ATP2B2: variants seen among roughly 807,000 people sequenced by gnomAD.
ATP2B2 encodes plasma membrane calcium-transporting ATPase 2.
A neutral mutation model predicts 120.0 loss-of-function variants in ATP2B2; 15 were observed. The ratio of observed to expected loss-of-function variants is 0.12; its 90% CI spans 0.08 to 0.19. The LOEUF (loss-of-function observed/expected upper bound fraction) is 0.19, where lower values mean the gene tolerates loss of function less well. Among genes scored for constraint, ATP2B2 ranks in the 10% least tolerant of loss-of-function variants. The pLI is 1.00. For synonymous variants in ATP2B2, 694 were observed against 700.3 expected (o/e 0.99, Z 0.14); for missense variants, 1,045 against 1,719.8 (o/e 0.61, Z 6.94).
intron 3 of ATP2B2, among the ~76,000 whole-genome samples, chr3:10,531,169 C>T (rs1367685326): frequency 2.0e-5 from 3 of 152,206 alleles, no homozygotes; most frequent in African/African-American, 7.2e-5. Flanking sequence ...GAGAACAGGT[C>T]AGCCCTCAGG....
In ATP2B2 at chr3:10,334,184, G is replaced by A. The variant is rs150072581; in HGVS notation, c.3420+3992C>T. On this transcript the variant is annotated intron_variant, in intron 22 of 22. Transcript: ENST00000360273. ...TGCCCAGCGATGTCAGGTGTGCTCC[G>A]TCGTGGCCAGGGTGAAGTGCTGCCC... Among the ~76,000 whole-genome samples the A allele has an allele frequency of 2.6e-3, 398 of 152,308 alleles. 1 individual carries two copies. The highest frequency in any genetic ancestry group is 4.0e-3 in the Non-Finnish European group (273 of 68,022).
At chr3:10,365,627 T>C (rs1438271662) in intron 12 of ATP2B2, among the ~76,000 whole-genome samples, 1 of 151,260 alleles carries the variant, frequency 6.6e-6, no homozygotes, top group African/African-American at 2.4e-5. Flanking sequence ...GGTGTGTGTC[T>C]GTGGTGTGTG....
chr3:10,467,812 G>A (rs932047037), intron 1 of ATP2B2, among the ~76,000 whole-genome samples: 10 of 152,046 alleles, frequency 6.6e-5, no homozygotes, highest in Non-Finnish European at 1.2e-4. Flanking sequence ...AGAGATGAGC[G>A]TGAGAGCAGC....
intron 1 of ATP2B2, among the ~76,000 whole-genome samples, chr3:10,685,530 G>C (rs898366293): frequency 2.6e-5 from 4 of 152,194 alleles, no homozygotes; most frequent in African/African-American, 9.7e-5. Context: ...GTGTATGTGT[G>C]TGTGTGTGTG....
At chr3:10,631,464 C>T (rs982129280) in intron 1 of ATP2B2, among the ~76,000 whole-genome samples, 1 of 152,192 alleles carries the variant, frequency 6.6e-6, no homozygotes, top group Non-Finnish European at 1.5e-5. Flanking sequence ...ACACAGTTGG[C>T]AAGTGGCAGA....
At chr3:10,559,531 AG>A (rs1180009192) in intron 2 of ATP2B2, among the ~76,000 whole-genome samples, 76 of 150,196 alleles carry the variant, frequency 5.1e-4, no homozygotes, top group African/African-American at 1.5e-3. Flanking sequence ...TAAAAAGAAA[AG>A]GAAAAAAAAA....
chr3:10,351,557 C>T (rs866558078), intron 14 of ATP2B2, among the ~76,000 whole-genome samples: 4 of 152,168 alleles, frequency 2.6e-5, no homozygotes, highest in Admixed American at 1.3e-4. Flanking sequence ...CCAGCATCCA[C>T]CTGCCAAGCC....
At chr3:10,464,581 T>A (rs1444252370) in intron 1 of ATP2B2, among the ~76,000 whole-genome samples, 1 of 152,084 alleles carries the variant, frequency 6.6e-6, no homozygotes, top group African/African-American at 2.4e-5. Context: ...CATCTCAGGG[T>A]CCCTAGATCT....
At chr3:10,590,059 C>T (rs940081824) in intron 2 of ATP2B2, among the ~76,000 whole-genome samples, 1 of 152,204 alleles carries the variant, frequency 6.6e-6, no homozygotes, top group African/African-American at 2.4e-5. Context: ...GGATAAACTA[C>T]CTCTGGTGCA....
chr3:10,657,591 G>A (rs2070668391), intron 1 of ATP2B2, among the ~76,000 whole-genome samples: 1 of 152,252 alleles, frequency 6.6e-6, no homozygotes, highest in African/African-American at 2.4e-5. Flanking sequence ...GGTAAACAAA[G>A]CGGCCTGGAA....
intron 3 of ATP2B2, among the ~76,000 whole-genome samples, chr3:10,405,181 T>G (rs1053439003): frequency 2.6e-5 from 4 of 152,158 alleles, no homozygotes; most frequent in Admixed American, 2.0e-4. Context: ...GATAGATACA[T>G]GGTAAAAGTT....
At chr3:10,576,828 G>A (rs1237262544) in intron 2 of ATP2B2, among the ~76,000 whole-genome samples, 1 of 152,032 alleles carries the variant, frequency 6.6e-6, no homozygotes, top group East Asian at 1.9e-4. Flanking sequence ...ACTTTGGGAG[G>A]CCAAGGTGGG....
At chr3:10,692,694 T>C (rs1346648974) in intron 1 of ATP2B2, among the ~76,000 whole-genome samples, 1 of 152,196 alleles carries the variant, frequency 6.6e-6, no homozygotes, top group African/African-American at 2.4e-5. Flanking sequence ...GGGTAGACCT[T>C]ATGCCTGCTT....
chr3:10,449,909 C>T, intron 1 of ATP2B2, 47 bp from the exon 2 acceptor site: 1 of 371,440 alleles, frequency 2.7e-6, no homozygotes, highest in South Asian at 2.3e-5. Flanking sequence ...GCACTGGAGG[C>T]CACATGGGAC....
intron 1 of ATP2B2, among the ~76,000 whole-genome samples, chr3:10,691,195 A>G (rs1392649590): frequency 1.3e-5 from 2 of 152,184 alleles, no homozygotes; most frequent in African/African-American, 4.8e-5. Flanking sequence ...AGTTTCTTGG[A>G]GCCTCAGGGG....
intron 2 of ATP2B2, among the ~76,000 whole-genome samples, chr3:10,422,070 A>G (rs118184129): frequency 1.3e-5 from 2 of 152,124 alleles, no homozygotes; most frequent in East Asian, 3.9e-4. Flanking sequence ...CTTTGCCACT[A>G]CTGTCTTCTG....
At chr3:10,485,748 C>G (rs2065622988) in intron 1 of ATP2B2, among the ~76,000 whole-genome samples, 1 of 152,144 alleles carries the variant, frequency 6.6e-6, no homozygotes, top group Admixed American at 6.5e-5. Flanking sequence ...GCGGTGGGGG[C>G]TTCCTGGCTC....
chr3:10,597,695 T>G (rs1204015777), intron 2 of ATP2B2, among the ~76,000 whole-genome samples: 1 of 152,234 alleles, frequency 6.6e-6, no homozygotes, highest in African/African-American at 2.4e-5. Flanking sequence ...CTGTGACCTC[T>G]GATAACTTAT....
chr3:10,611,364 G>T (rs2069233413), intron 2 of ATP2B2, among the ~76,000 whole-genome samples: 1 of 152,216 alleles, frequency 6.6e-6, no homozygotes. Flanking sequence ...TGTGGCTGCG[G>T]AGAGCTTGGG....
Sources: allele counts gnomAD v4.1 joint callset (sites outside exome capture counted in the v4.1 genomes callset), GRCh38; gene constraint gnomAD v4.1.1; transcripts MANE v1.5; gene names NCBI Gene and HGNC (gene_info 2026-07-23, HGNC 2026-07-21).